ADRA1A: variants seen among roughly 807,000 people sequenced by gnomAD.
ADRA1A encodes the protein alpha-1A adrenergic receptor.
ADRA1A carries 31 observed loss-of-function variants against 29.6 expected under a neutral mutation model. The observed-to-expected ratio is 1.05, with a 90% CI of 0.79 to 1.41. The LOEUF (loss-of-function observed/expected upper bound fraction) is 1.41, where lower values mean the gene tolerates loss of function less well. Among genes scored for constraint, ADRA1A ranks in the 40% most tolerant of loss-of-function variants. ADRA1A has a pLI of 0.00. For synonymous variants in ADRA1A, 311 were observed against 254.3 expected (o/e 1.22, Z -2.12); for missense variants, 619 against 601.1 (o/e 1.03, Z -0.31).
chr8:26,866,792 G>A lies in ADRA1A; in HGVS notation c.-687+144C>T, dbSNP rs913456368. 1.3e-5 allele frequency: 9 copies of A among 697,872 alleles called. No homozygotes were observed. The highest frequency in any genetic ancestry group is 1.9e-5 in the African/African-American group (1 of 52,380). The allele number at this position is 697,872 out of a possible 1,614,324, so 43.2% of individuals were successfully genotyped here. On this transcript the variant is annotated intron_variant, in intron 1 of 2. Coordinates refer to ENST00000380573, the MANE Select transcript of ADRA1A (RefSeq NM_000680.4). The surrounding 1 kb of genome is among the most constrained non-coding windows in gnomAD (Gnocchi z 5.7). ...CTTCGCAGAAGATGTAAGGGAATCGGGGGTGGGGTAGAGGGGCCGGTATAA... is the reference window on the plus strand; with the variant it reads ...CTTCGCAGAAGATGTAAGGGAATCGAGGGTGGGGTAGAGGGGCCGGTATAA...
Position 26,793,285 on chromosome 8 carries a change from T to C in ADRA1A, c.884-22619A>G, listed in dbSNP as rs544228514. 8.5e-5 allele frequency among the ~76,000 whole-genome samples: 13 copies of C among 152,090 alleles called. 1 individual carries two copies. In the South Asian group the frequency reaches 2.7e-3, roughly 31 times the overall value. On this transcript the variant is annotated intron_variant, in intron 2 of 2. Coordinates refer to ENST00000380573, the MANE Select transcript of ADRA1A (RefSeq NM_000680.4). ...GATGACTAAGATACAGACAACAAAA[T>C]ATGTATCAAGTTTTCAGTTTAAGAG...
rs900091309 is a variant in ADRA1A, at chr8:26,770,445, C to G, written c.1105G>C (p.Gly369Arg). 1 of 1,614,204 alleles carries G rather than the reference C, an allele frequency of 6.2e-7. No individual in the cohort carries two copies. The change falls in exon 3 of 3, where the codon GGG becomes CGG. Residue 369 changes from glycine (G) to arginine (R), a missense_variant. Coordinates refer to ENST00000380573, the MANE Select transcript of ADRA1A (RefSeq NM_000680.4). The stretch of plus-strand genomic sequence containing the variant: ...ATGCGCACCATGTCCTTGTGTTGCC[C>G]TTCCACGGCCTGGCTGGGCGGGTGC... ...TLHPPSQAVE[G>R]QHKDMVRIPV...
At chr8:26,785,367 A>G (rs1490829191) in intron 2 of ADRA1A, among the ~76,000 whole-genome samples, 1 of 152,202 alleles carries the variant, frequency 6.6e-6, no homozygotes, top group African/African-American at 2.4e-5. Context: ...CACCTCATAT[A>G]AACACTTAAG....
At chr8:26,788,992 G>A (rs1807609529) in intron 2 of ADRA1A, among the ~76,000 whole-genome samples, 1 of 152,036 alleles carries the variant, frequency 6.6e-6, no homozygotes, top group Non-Finnish European at 1.5e-5. Flanking sequence ...GTGCACATTT[G>A]TTACACAGAC....
At chr8:26,785,405 C>A (rs1257723791) in intron 2 of ADRA1A, among the ~76,000 whole-genome samples, 2 of 152,146 alleles carry the variant, frequency 1.3e-5, no homozygotes, top group Non-Finnish European at 2.9e-5. Flanking sequence ...GACGTCTGGA[C>A]TACAAATACG....
At chr8:26,828,652 C>A (rs1284497546) in intron 2 of ADRA1A, among the ~76,000 whole-genome samples, 1 of 152,170 alleles carries the variant, frequency 6.6e-6, no homozygotes, top group Non-Finnish European at 1.5e-5. Flanking sequence ...CTGGCATTCG[C>A]ATAATATGAC....
chr8:26,783,532 G>A (rs1253106243), intron 2 of ADRA1A, among the ~76,000 whole-genome samples: 4 of 152,218 alleles, frequency 2.6e-5, no homozygotes, highest in African/African-American at 9.6e-5. Flanking sequence ...TATTCAGAAT[G>A]AGTTTCCAAC....
At chr8:26,852,193 G>A (rs1311934007) in intron 2 of ADRA1A, among the ~76,000 whole-genome samples, 3 of 152,186 alleles carry the variant, frequency 2.0e-5, no homozygotes, top group East Asian at 1.9e-4. Flanking sequence ...CAGGAAGGCA[G>A]ACTGATTGGA....
chr8:26,750,028 C>T (rs1048105681), intron 2 of ADRA1A, among the ~76,000 whole-genome samples: 6 of 152,114 alleles, frequency 3.9e-5, no homozygotes, highest in African/African-American at 1.2e-4. Flanking sequence ...AAATAGGTGG[C>T]TTATACACAT....
chr8:26,771,901 AATG>A (rs1806186655), intron 2 of ADRA1A: 1 of 152,544 alleles, frequency 6.6e-6, no homozygotes, highest in South Asian at 2.1e-4. Context: ...AGCTGGGGTA[AATG>A]ATGACGGCTT....
rs1247046688 is a variant in ADRA1A, at chr8:26,841,850, G to A, written c.883+22237C>T. On this transcript the variant is annotated intron_variant, in intron 2 of 2. Coordinates refer to ENST00000380573, the MANE Select transcript of ADRA1A (RefSeq NM_000680.4). The surrounding 1 kb of genome is among the most constrained non-coding windows in gnomAD (Gnocchi z 4.4). ...GACTTCTCTGCTGCATTTGATATTG[G>A]CGCCACTTTCTCTTCACTAAAATTC... 2.0e-5 allele frequency among the ~76,000 whole-genome samples: 3 copies of A among 151,840 alleles called. No homozygotes were observed. Among genetic ancestry groups the A allele is most frequent in the African/African-American group, 7.3e-5 (3 of 41,294 alleles).
At chr8:26,816,603 C>A (rs371411465) in intron 2 of ADRA1A, among the ~76,000 whole-genome samples, 11 of 151,852 alleles carry the variant, frequency 7.2e-5, no homozygotes, top group African/African-American at 2.7e-4. Flanking sequence ...CATGTGCACA[C>A]GCCTAACACA....
intron 2 of ADRA1A, among the ~76,000 whole-genome samples, chr8:26,851,653 A>ATC (rs1337169187): frequency 6.6e-6 from 1 of 152,200 alleles, no homozygotes; most frequent in Non-Finnish European, 1.5e-5. Flanking sequence ...TTAAATGTGC[A>ATC]TATCCAGGAA....
In ADRA1A at chr8:26,796,032, G is replaced by A. The variant is rs1019815657; in HGVS notation, c.884-25366C>T. Among the ~76,000 whole-genome samples, 19 of 152,164 alleles carry A rather than the reference G, an allele frequency of 1.2e-4. No homozygotes were observed. Among genetic ancestry groups the A allele is most frequent in the African/African-American group, 4.6e-4 (19 of 41,534 alleles). On this transcript the variant is annotated intron_variant, in intron 2 of 2. Coordinates refer to ENST00000380573, the MANE Select transcript of ADRA1A (RefSeq NM_000680.4). This position sits in a 1 kb window ranked among gnomAD's most constrained non-coding sequence, Gnocchi z 5.0. ...TAATATAAAATTATTGTCAGCTTTT[G>A]TTTAGATATAATAGTATTATTGTTA...
At chr8:26,836,240 G>A in intron 2 of ADRA1A, 1 of 222,060 alleles carries the variant, frequency 4.5e-6, no homozygotes, top group Non-Finnish European at 9.9e-6. Flanking sequence ...CCAAGGTGCT[G>A]ACTTCTAAAG....
In ADRA1A at chr8:26,821,960, G is replaced by A. The variant is rs534878007; in HGVS notation, c.883+42127C>T. On this transcript the variant is annotated intron_variant, in intron 2 of 2. Transcript: ENST00000380573. This position sits in a 1 kb window ranked among gnomAD's most constrained non-coding sequence, Gnocchi z 5.6. The stretch of plus-strand genomic sequence containing the variant: ...TGCTATTTTTTATTGCTAAGTAGGG[G>A]TGTATTACCATTTGCTTAACCCTTC... Among the ~76,000 whole-genome samples, 1 of 152,162 alleles carries A rather than the reference G, an allele frequency of 6.6e-6. No individual in the cohort carries two copies. The highest frequency in any genetic ancestry group is 2.1e-4 in the South Asian group (1 of 4,826).
rs902261680 is a variant in ADRA1A, at chr8:26,796,413, C to CTTT, written c.884-25750_884-25748dup. On this transcript the variant is annotated intron_variant, in intron 2 of 2. Transcript: ENST00000380573. This position sits in a 1 kb window ranked among gnomAD's most constrained non-coding sequence, Gnocchi z 5.0. Reference sequence around the variant, plus strand: ...TAAATAGCTTTCATAAATAAGTTTGCTTTTTAATTCATCCTGCTTGAAAGC... The same window carrying CTTT: ...TAAATAGCTTTCATAAATAAGTTTGCTTTTTTTTAATTCATCCTGCTTGAAAGC... Among the ~76,000 whole-genome samples the CTTT allele has an allele frequency of 6.6e-6, 1 of 152,086 alleles. No homozygotes were observed. The highest frequency in any genetic ancestry group is 2.4e-5 in the African/African-American group (1 of 41,410).
intron 2 of ADRA1A, among the ~76,000 whole-genome samples, chr8:26,837,612 T>A (rs987466732): frequency 6.7e-6 from 1 of 149,464 alleles, no homozygotes; most frequent in Non-Finnish European, 1.5e-5. Context: ...GATGGCACCA[T>A]TGCACTCCAG....
In ADRA1A at chr8:26,842,480, C is replaced by T. The variant is rs186740626; in HGVS notation, c.883+21607G>A. Among the ~76,000 whole-genome samples, 104 of 152,270 alleles carry T rather than the reference C, an allele frequency of 6.8e-4. No homozygotes were observed. The East Asian group carries it at 0.017, about 25-fold the overall frequency. ...ATTAATTCCACTCTGATTCCTCAGA[C>T]GCAGTCTCTGATTCCCATTGACCTG... is the stretch of plus-strand genomic sequence containing the variant. On this transcript the variant is annotated intron_variant, in intron 2 of 2. Transcript: ENST00000380573.
Sources: gnomAD v4.1 joint callset for allele counts (sites outside exome capture counted in the v4.1 genomes callset) on GRCh38, gnomAD v4.1.1 for gene constraint, Gnocchi (gnomAD v3.1) non-coding constraint, MANE v1.5 for transcripts, NCBI Gene and HGNC (gene_info 2026-07-23, HGNC 2026-07-21) for gene names.